Variants in AKT2 observed in about 807,000 individuals in gnomAD.
AKT2 encodes the protein AKT serine/threonine kinase 2, also known as RAC-beta serine/threonine-protein kinase.
Under a neutral mutation model 58.6 loss-of-function variants are expected in AKT2, and 16 were observed. The observed-to-expected ratio is 0.27, with a 90% confidence interval of 0.18 to 0.41. The LOEUF is 0.41. Among genes scored for constraint, AKT2 ranks in the 10% least tolerant of loss-of-function variants. AKT2 has a pLI of 1.00. For synonymous variants in AKT2, 253 were observed against 254.0 expected (o/e 1.00, Z 0.04); for missense variants, 438 against 661.0 (o/e 0.66, Z 3.70).
chr19:40,234,299 C>T lies in AKT2; in HGVS notation c.1367-348G>A. On this transcript the variant is annotated intron_variant, in intron 13 of 13. Transcript: ENST00000392038. This position sits in a 1 kb window ranked among gnomAD's most constrained non-coding sequence, Gnocchi z 4.7. ...CACCCTCCCATCCATTCTCCACGGG[C>T]AGCCAGGGGGGCTTTCTAAAGGCCT... The T allele has an allele frequency of 3.0e-6, 1 of 329,278 alleles. No homozygotes were observed. Among genetic ancestry groups the T allele is most frequent in the South Asian group, 6.8e-5 (1 of 14,738 alleles). The allele number at this position is 329,278 out of a possible 1,614,324, so 20.4% of individuals were successfully genotyped here. A position where few individuals can be genotyped will look rare whatever the true frequency, so the allele number is the denominator to read the frequency against.
chr19:40,246,739 C>T (rs1348567854), intron 4 of AKT2, among the ~76,000 whole-genome samples: 1 of 152,186 alleles, frequency 6.6e-6, no homozygotes, highest in Non-Finnish European at 1.5e-5. Context: ...ACTGCCACAC[C>T]ACCAGCCCAG....
At chr19:40,236,165 G>A (rs2145166480) in intron 10 of AKT2, 61 bp from the exon 11 acceptor site, 3 of 1,613,256 alleles carry the variant, frequency 1.9e-6, no homozygotes, top group Non-Finnish European at 8.5e-7. Flanking sequence ...TCACAGTCCT[G>A]CCCTCAGGGC....
chr19:40,252,226 AG>A (rs937725445), intron 4 of AKT2, among the ~76,000 whole-genome samples: 36 of 152,110 alleles, frequency 2.4e-4, no homozygotes, highest in Non-Finnish European at 1.0e-4. Context: ...AGCAGAGTGG[AG>A]GGGGCCTCCC....
rs2145204738 is a variant in AKT2, at chr19:40,242,102, C to T, written c.442-33G>A. 3.1e-6 allele frequency: 5 copies of T among 1,613,718 alleles called. No individual in the cohort carries two copies. Among genetic ancestry groups the T allele is most frequent in the Non-Finnish European group, 1.7e-6 (2 of 1,179,924 alleles). On this transcript the variant is annotated intron_variant, in intron 5 of 13. Coordinates refer to ENST00000392038, the MANE Select transcript of AKT2 (RefSeq NM_001626.6). This position sits in a 1 kb window ranked among gnomAD's most constrained non-coding sequence, Gnocchi z 4.3. The stretch of plus-strand genomic sequence containing the variant: ...GGACAGGGAGAGTGGGGGCAGTCAG[C>T]GCCTGGCTCATGGCCCGTGGGAGGA...
chr19:40,235,970 T>C lies in AKT2; in HGVS notation c.1095A>G (p.Glu365=). 2 of 1,614,036 alleles carry C rather than the reference T, an allele frequency of 1.2e-6. No homozygotes were observed. The highest frequency in any genetic ancestry group is 1.1e-5 in the South Asian group (1 of 91,084). ...HERLFELILM[E]EIRFPRTLSP... is the part of the protein sequence containing the mutation. ...TGAGCGTGCGCGGGAAGCGGATCTCTTCCATGAGGATGAGCTCGAAGAGGC... is the reference window on the plus strand; with the variant it reads ...TGAGCGTGCGCGGGAAGCGGATCTCCTCCATGAGGATGAGCTCGAAGAGGC... The change falls in exon 11 of 14, where the codon GAA becomes GAG. Residue 365 remains glutamate (E), a synonymous_variant. Coordinates refer to ENST00000392038, the MANE Select transcript of AKT2 (RefSeq NM_001626.6). This position sits in a 1 kb window ranked among gnomAD's most constrained non-coding sequence, Gnocchi z 6.3.
intron 6 of AKT2, among the ~76,000 whole-genome samples, chr19:40,240,493 T>C (rs560431977): frequency 7.2e-5 from 11 of 152,332 alleles, no homozygotes; most frequent in African/African-American, 1.9e-4. Flanking sequence ...CAGTGCTTCT[T>C]GGTGTGGTCC....
intron 4 of AKT2, among the ~76,000 whole-genome samples, chr19:40,244,635 C>A (rs1308281668): frequency 1.3e-5 from 2 of 152,112 alleles, no homozygotes; most frequent in African/African-American, 4.8e-5. Context: ...ATATGACCAA[C>A]AAGAAAAATA....
chr19:40,281,138 C>A (rs2077416702), intron 1 of AKT2, among the ~76,000 whole-genome samples: 1 of 152,182 alleles, frequency 6.6e-6, no homozygotes, highest in Admixed American at 6.5e-5. Flanking sequence ...CCTGCAGGCA[C>A]TTCTGCTGCT....
chr19:40,276,282 A>G (rs536531105), intron 1 of AKT2, among the ~76,000 whole-genome samples: 10 of 140,718 alleles, frequency 7.1e-5, no homozygotes. Context: ...TCCTGACTCT[A>G]CCACTTCCAG....
At chr19:40,269,165 A>C (rs1255235173) in intron 1 of AKT2, 2 of 152,236 alleles carry the variant, frequency 1.3e-5, no homozygotes, top group Non-Finnish European at 2.9e-5. Context: ...GAGGACACTC[A>C]GGCAGGGGGA....
rs751140544 is a variant in AKT2 at position 40,234,945 on chromosome 19, G to A, written c.1366+100C>T. ...TGGGGAAATCTCCCAGACATGAAGC[G>A]GGGGCCTTCGAGGGCCCTCCTTGAG... On this transcript the variant is annotated intron_variant, in intron 13 of 13. Coordinates refer to ENST00000392038, the MANE Select transcript of AKT2 (RefSeq NM_001626.6). The surrounding 1 kb of genome is among the most constrained non-coding windows in gnomAD (Gnocchi z 4.7). 1.9e-5 allele frequency: 20 copies of A among 1,078,316 alleles called. No individual in the cohort carries two copies. Among genetic ancestry groups the A allele is most frequent in the Middle Eastern group, 3.9e-4 (2 of 5,110 alleles). The allele number at this position is 1,078,316 out of a possible 1,614,324, so 66.8% of individuals were successfully genotyped here.
At chr19:40,264,298 C>T (rs926546839) in intron 2 of AKT2, among the ~76,000 whole-genome samples, 1 of 152,178 alleles carries the variant, frequency 6.6e-6, no homozygotes, top group South Asian at 2.1e-4. Context: ...CCCAGTCTTG[C>T]GTGGCAGCCA....
chr19:40,272,309 T>C (rs2077230275), intron 1 of AKT2, among the ~76,000 whole-genome samples: 1 of 152,254 alleles, frequency 6.6e-6, no homozygotes, highest in Non-Finnish European at 1.5e-5. Context: ...CGTTTCCTCC[T>C]GTCCTTGCAA....
At position 40,235,746 on chromosome 19, in the gene AKT2, A is replaced by G; in HGVS notation, c.1175+144T>C. The G allele has an allele frequency of 1.2e-6, 1 of 843,870 alleles. No homozygotes were observed. The highest frequency in any genetic ancestry group is 1.8e-6 in the Non-Finnish European group (1 of 554,690). The allele number at this position is 843,870 out of a possible 1,614,324, so 52.3% of individuals were successfully genotyped here. A position where few individuals can be genotyped will look rare whatever the true frequency, so the allele number is the denominator to read the frequency against. ...CTGGGGGAAGCACTCCCTAAGTGCC[A>G]CTGTGGACGTTTTCAGGGGCTGTGT... is the stretch of plus-strand genomic sequence containing the variant. On this transcript the variant is annotated intron_variant, in intron 11 of 13. Coordinates refer to ENST00000392038, the MANE Select transcript of AKT2 (RefSeq NM_001626.6). The surrounding 1 kb of genome is among the most constrained non-coding windows in gnomAD (Gnocchi z 6.3).
At chr19:40,262,054 C>A (rs1342187668) in intron 2 of AKT2, among the ~76,000 whole-genome samples, 2 of 151,658 alleles carry the variant, frequency 1.3e-5, no homozygotes, top group African/African-American at 2.4e-5. Flanking sequence ...GGGATTGGGG[C>A]GAGTTTATTA....
At chr19:40,241,791 A>G in intron 6 of AKT2, 147 bp downstream of exon 6, 1 of 1,251,940 alleles carries the variant, frequency 8.0e-7, no homozygotes, top group South Asian at 1.3e-5. Context: ...TCTGGGCCTC[A>G]GGCTCCCCCT....
rs1976270814 is a variant in AKT2 at position 40,265,325 on chromosome 19, C to G, written c.-58G>C. 1.9e-6 allele frequency: 3 copies of G among 1,594,748 alleles called. No homozygotes were observed. Among genetic ancestry groups the G allele is most frequent in the Non-Finnish European group, 2.6e-6 (3 of 1,171,204 alleles). ...GGACAGCTCAGGGCAGCAGGACATG[C>G]AGGAGGCACCGTGGACAGGGCACAG... On this transcript the variant is annotated 5_prime_UTR_variant, in exon 2 of 14. Transcript: ENST00000392038.
Position 40,236,057 on chromosome 19 carries a change from C to T in AKT2, c.1008G>A (p.Leu336=), listed in dbSNP as rs140538051. ...ACATCATCTCGTACATGACCACACC[C>T]AGCCCCCACCAGTCCACGGCCCGGC... ...DYGRAVDWWG[L]GVVMYEMMCG... Residue 336 remains leucine, a synonymous_variant, in exon 11 of 14, where the codon CTG becomes CTA. Coordinates refer to ENST00000392038, the MANE Select transcript of AKT2 (RefSeq NM_001626.6). 127 of 1,614,162 alleles carry T rather than the reference C, an allele frequency of 7.9e-5. No homozygotes were observed. The highest frequency in any genetic ancestry group is 1.0e-4 in the Non-Finnish European group (121 of 1,180,032).
rs1205344598 is a variant in AKT2, at chr19:40,233,582, G to A, written c.*290C>T. ...AGGCGCCATGCTTCACCCCTCACTG[G>A]GGCTTGTGTGGATTAAAACCTGAAT... is the stretch of plus-strand genomic sequence containing the variant. On this transcript the variant is annotated 3_prime_UTR_variant, in exon 14 of 14. Transcript: ENST00000392038. This position sits in a 1 kb window ranked among gnomAD's most constrained non-coding sequence, Gnocchi z 4.3. 1 of 703,686 alleles carries A rather than the reference G, an allele frequency of 1.4e-6. No individual in the cohort carries two copies. Among genetic ancestry groups the A allele is most frequent in the East Asian group, 2.7e-5 (1 of 36,804 alleles). 43.6% of individuals were successfully genotyped at this position (703,686 alleles called of 1,614,324 possible).
Sources: allele counts gnomAD v4.1 joint callset (sites outside exome capture counted in the v4.1 genomes callset), GRCh38; gene constraint gnomAD v4.1.1; non-coding constraint Gnocchi (gnomAD v3.1); transcripts MANE v1.5; gene names NCBI Gene and HGNC (gene_info 2026-07-23, HGNC 2026-07-21).